PITPNC1: variants seen among roughly 807,000 people sequenced by gnomAD.
PITPNC1 encodes cytoplasmic phosphatidylinositol transfer protein 1.
A neutral mutation model predicts 44.7 loss-of-function variants in PITPNC1; 18 were observed. That is an observed-to-expected ratio of 0.40 (90% CI 0.28 to 0.60). The LOEUF (loss-of-function observed/expected upper bound fraction) is 0.60, where lower values mean the gene tolerates loss of function less well. Ranked by LOEUF, PITPNC1 falls within the 20% of genes least tolerant of loss-of-function variation. PITPNC1 has a pLI of 0.39. For synonymous variants in PITPNC1, 141 were observed against 149.6 expected, an observed-to-expected ratio of 0.94 and a Z score of 0.42; for missense variants, 290 against 418.4, an observed-to-expected ratio of 0.69 and a Z score of 2.68.
intron 1 of PITPNC1, among the ~76,000 whole-genome samples, chr17:67,501,613 C>T (rs780033390): frequency 1.1e-4 from 17 of 152,130 alleles, no homozygotes; most frequent in Non-Finnish European, 2.2e-4. Context: ...GGGCAGATTG[C>T]CTGAGGTCAG....
At chr17:67,512,821 A>G (rs2144092732) in intron 1 of PITPNC1, among the ~76,000 whole-genome samples, 1 of 152,160 alleles carries the variant, frequency 6.6e-6, no homozygotes, top group East Asian at 1.9e-4. Context: ...CCATGAGAAT[A>G]CAAAAAATAT....
chr17:67,663,545 G>A (rs1300092588), intron 6 of PITPNC1, among the ~76,000 whole-genome samples: 1 of 151,364 alleles, frequency 6.6e-6, no homozygotes, highest in Non-Finnish European at 1.5e-5. Flanking sequence ...TCCAGCCTGG[G>A]CAACACAGCG....
chr17:67,526,485 T>C (rs942182765), intron 1 of PITPNC1, among the ~76,000 whole-genome samples: 1 of 152,154 alleles, frequency 6.6e-6, no homozygotes, highest in Non-Finnish European at 1.5e-5. Context: ...TCCCAGCACT[T>C]TGGGAGGCTG....
At chr17:67,396,594 T>A (rs1196881268) in intron 1 of PITPNC1, among the ~76,000 whole-genome samples, 2 of 151,960 alleles carry the variant, frequency 1.3e-5, no homozygotes, top group Non-Finnish European at 2.9e-5. Flanking sequence ...GGTCTTGAAC[T>A]CCTGACCTCA....
chr17:67,529,034 C>T (rs1290359696), intron 1 of PITPNC1, among the ~76,000 whole-genome samples: 5 of 152,032 alleles, frequency 3.3e-5, no homozygotes, highest in Non-Finnish European at 7.4e-5. Flanking sequence ...TGTCTGGGCT[C>T]GAGTGTCCCG....
chr17:67,504,842 A>G (rs1278308648), intron 1 of PITPNC1, among the ~76,000 whole-genome samples: 1 of 152,120 alleles, frequency 6.6e-6, no homozygotes, highest in Non-Finnish European at 1.5e-5. Flanking sequence ...TTGATGCGAA[A>G]TCTTTTTCTT....
chr17:67,410,134 C>G (rs2038472143), intron 1 of PITPNC1, among the ~76,000 whole-genome samples: 1 of 152,106 alleles, frequency 6.6e-6, no homozygotes, highest in African/African-American at 2.4e-5. Context: ...TGTTCTGTCT[C>G]TCATTGAAAA....
chr17:67,627,676 C>T (rs1224403568), intron 5 of PITPNC1, among the ~76,000 whole-genome samples: 4 of 152,092 alleles, frequency 2.6e-5, no homozygotes, highest in East Asian at 1.9e-4. Context: ...TGCTAAGAGG[C>T]GGTTTTGTTT....
chr17:67,491,230 G>A (rs2039860698), intron 1 of PITPNC1, among the ~76,000 whole-genome samples: 1 of 152,270 alleles, frequency 6.6e-6, no homozygotes, highest in Non-Finnish European at 1.5e-5. Flanking sequence ...GCCGGCCACT[G>A]CAGCTGGTGC....
At chr17:67,416,877 A>G (rs1478732595) in intron 1 of PITPNC1, among the ~76,000 whole-genome samples, 14 of 151,916 alleles carry the variant, frequency 9.2e-5, no homozygotes, top group Non-Finnish European at 1.5e-5. Flanking sequence ...CAATGGCACA[A>G]TCTCGGCTCA....
rs1555661488 is a variant in PITPNC1, at chr17:67,522,659, C to CTTTTTTTTTTTCTTTTTTTTTT, written c.49-10132_49-10131insCTTTTTTTTTTTTTTTTTTTTT. ...ATATCATAAAATTTACCATTTTAAT[C>CTTTTTTTTTTTCTTTTTTTTTT]TTTTTTTTTTTTTTGGAAAATGAGG... On this transcript the variant is annotated intron_variant, in intron 1 of 8. Transcript: ENST00000581322. 1.2e-4 allele frequency among the ~76,000 whole-genome samples: 14 copies of CTTTTTTTTTTTCTTTTTTTTTT among 117,224 alleles called. 1 individual carries two copies. Among genetic ancestry groups the CTTTTTTTTTTTCTTTTTTTTTT allele is most frequent in the African/African-American group, 6.1e-4 (14 of 22,774 alleles). The allele number at this position is 117,224 out of a possible 152,430, so 76.9% of individuals were successfully genotyped here. A position where few individuals can be genotyped will look rare whatever the true frequency, so the allele number is the denominator to read the frequency against.
chr17:67,503,045 C>T (rs954778542), intron 1 of PITPNC1, among the ~76,000 whole-genome samples: 2 of 152,172 alleles, frequency 1.3e-5, no homozygotes, highest in African/African-American at 4.8e-5. Context: ...ATCCACCCAC[C>T]TTGGCCTCCC....
In PITPNC1 at chr17:67,510,371, G is replaced by A. The variant is rs187896963; in HGVS notation, c.49-22431G>A. ...AACCTGCCTTGTCACTAATCCCTGC[G>A]TCCAGAGCTGATGTGCGCACCCCTT... On this transcript the variant is annotated intron_variant, in intron 1 of 8. Transcript: ENST00000581322. Among the ~76,000 whole-genome samples the A allele has an allele frequency of 3.6e-3, 546 of 152,256 alleles. 2 individuals carry two copies. Among genetic ancestry groups the A allele is most frequent in the African/African-American group, 0.013 (534 of 41,526 alleles).
chr17:67,533,251 A>T (rs910444128), intron 2 of PITPNC1, among the ~76,000 whole-genome samples: 19 of 152,076 alleles, frequency 1.2e-4, no homozygotes, highest in African/African-American at 4.6e-4. Context: ...ACAGAGCAAG[A>T]CCCTGACTGT....
chr17:67,554,398 C>A (rs2040808094), intron 4 of PITPNC1, among the ~76,000 whole-genome samples: 1 of 151,890 alleles, frequency 6.6e-6, no homozygotes, highest in East Asian at 1.9e-4. Flanking sequence ...GCTGGGATTA[C>A]AGGTGTGCAC....
At chr17:67,539,529 A>G (rs1401610496) in intron 2 of PITPNC1, among the ~76,000 whole-genome samples, 2 of 152,238 alleles carry the variant, frequency 1.3e-5, no homozygotes, top group Non-Finnish European at 2.9e-5. Flanking sequence ...GTAACGTGCA[A>G]TATATCAGCT....
chr17:67,544,465 C>T (rs1306185549), intron 2 of PITPNC1, among the ~76,000 whole-genome samples: 1 of 152,172 alleles, frequency 6.6e-6, no homozygotes, highest in Non-Finnish European at 1.5e-5. Context: ...GCTTGTTTTT[C>T]AACCATGAAG....
rs534005462 is a variant in PITPNC1 at position 67,672,126 on chromosome 17, G to A, written c.618+2463G>A. Among the ~76,000 whole-genome samples, 42 of 151,838 alleles carry A rather than the reference G, an allele frequency of 2.8e-4. No homozygotes were observed. In the East Asian group the frequency reaches 6.3e-3, roughly 23 times the overall value. ...CTTTTGTATTATTAGTAGAGACGGG[G>A]TTTCACCATGTTAGCCAGGCCAGTC... is the stretch of plus-strand genomic sequence containing the variant. On this transcript the variant is annotated intron_variant, in intron 7 of 8. Coordinates refer to ENST00000581322, the MANE Select transcript of PITPNC1 (RefSeq NM_012417.4).
chr17:67,522,715 T>A (rs1345501610), intron 1 of PITPNC1, among the ~76,000 whole-genome samples: 2 of 146,350 alleles, frequency 1.4e-5, no homozygotes, highest in Non-Finnish European at 3.0e-5. Context: ...TGGAGCACAG[T>A]GGTATGATCA....
Sources: allele counts gnomAD v4.1 joint callset (sites outside exome capture counted in the v4.1 genomes callset), GRCh38; gene constraint gnomAD v4.1.1; transcripts MANE v1.5; gene names NCBI Gene and HGNC (gene_info 2026-07-23, HGNC 2026-07-21).